Variants in PBX2 observed in about 807,000 individuals in gnomAD.
The protein encoded by PBX2 is PBX homeobox 2.
Under a neutral mutation model 46.5 loss-of-function variants are expected in PBX2, and 10 were observed. The ratio of observed to expected loss-of-function variants is 0.21; its 90% confidence interval spans 0.13 to 0.36. The LOEUF (loss-of-function observed/expected upper bound fraction) is 0.36. Ranked by LOEUF, PBX2 falls within the 10% of genes least tolerant of loss-of-function variation. PBX2 has a pLI of 1.00. For missense variants in PBX2, 392 were observed against 580.5 expected (o/e 0.68, Z 3.34); for synonymous variants, 160 against 222.5 (o/e 0.72, Z 2.50).
chr6:32,186,358 C>G lies in PBX2; in HGVS notation c.*24G>C, dbSNP rs559749593. The G allele has an allele frequency of 1.3e-6, 2 of 1,525,818 alleles. No homozygotes were observed. The highest frequency in any genetic ancestry group is 1.4e-5 in the African/African-American group (1 of 73,302). The allele number at this position is 1,525,818 out of a possible 1,614,324, so 94.5% of individuals were successfully genotyped here. A position where few individuals can be genotyped will look rare whatever the true frequency, so the allele number is the denominator to read the frequency against. On this transcript the variant is annotated 3_prime_UTR_variant, in exon 9 of 9. Coordinates refer to ENST00000375050, the MANE Select transcript of PBX2 (RefSeq NM_002586.5). The surrounding 1 kb of genome is among the most constrained non-coding windows in gnomAD (Gnocchi z 4.2). ...TCAAGTCGCCTTGTGAGAGCCCCCACCCCTGTGACCCTGAGGGGCAAGATC... is the reference window on the plus strand; with the variant it reads ...TCAAGTCGCCTTGTGAGAGCCCCCAGCCCTGTGACCCTGAGGGGCAAGATC...
Position 32,187,176 on chromosome 6 carries a change from G to C in PBX2, c.1024+66C>G. The C allele has an allele frequency of 6.3e-7, 1 of 1,594,238 alleles. No homozygotes were observed. The highest frequency in any genetic ancestry group is 8.6e-7 in the Non-Finnish European group (1 of 1,165,564). On this transcript the variant is annotated intron_variant, in intron 6 of 8. Coordinates refer to ENST00000375050, the MANE Select transcript of PBX2 (RefSeq NM_002586.5). This position sits in a 1 kb window ranked among gnomAD's most constrained non-coding sequence, Gnocchi z 7.7. The stretch of plus-strand genomic sequence containing the variant: ...CCCCTCTCTGCTATGATCCTGCCTA[G>C]ATAGGAAGTGGGAACAAAAGCAGGA...
Position 32,189,936 on chromosome 6 carries a change from G to C in PBX2, c.-21C>G. The C allele has an allele frequency of 9.2e-7, 1 of 1,090,080 alleles. No individual in the cohort carries two copies. Among genetic ancestry groups the C allele is most frequent in the Non-Finnish European group, 1.3e-6 (1 of 799,302 alleles). 67.5% of individuals were successfully genotyped at this position (1,090,080 alleles called of 1,614,324 possible). A position where few individuals can be genotyped will look rare whatever the true frequency, so the allele number is the denominator to read the frequency against. On this transcript the variant is annotated 5_prime_UTR_variant, in exon 1 of 9. Coordinates refer to ENST00000375050, the MANE Select transcript of PBX2 (RefSeq NM_002586.5). The surrounding 1 kb of genome is among the most constrained non-coding windows in gnomAD (Gnocchi z 4.7). ...TCCATAGCTGGGGGGGGGCCCTGAG[G>C]CCCCCTCCCTGCTCCGCCCCTCCCC...
Position 32,187,255 on chromosome 6 carries a change from G to C in PBX2, c.1011C>G (p.Pro337=). ...GGHSRTSSPT[P]PSSAGSGGSF... is the part of the protein sequence containing the mutation. ...AGTGGGATCCACCTGCAGAGGAAGGGGGTGTCGGGGAGCTGGTGCGGCTGT... is the reference window on the plus strand; with the variant it reads ...AGTGGGATCCACCTGCAGAGGAAGGCGGTGTCGGGGAGCTGGTGCGGCTGT... The change falls in exon 6 of 9, where the codon CCC becomes CCG. Residue 337 remains proline, a synonymous_variant. Transcript: ENST00000375050. This position sits in a 1 kb window ranked among gnomAD's most constrained non-coding sequence, Gnocchi z 7.7. 1 of 1,612,956 alleles carries C rather than the reference G, an allele frequency of 6.2e-7. No homozygotes were observed. Among genetic ancestry groups the C allele is most frequent in the Non-Finnish European group, 8.5e-7 (1 of 1,180,030 alleles).
At position 32,186,743 on chromosome 6, in the gene PBX2, G is replaced by A. The variant is rs1787160521; in HGVS notation, c.1114-53C>T. 6.3e-7 allele frequency: 1 copy of A among 1,595,098 alleles called. No homozygotes were observed. Among genetic ancestry groups the A allele is most frequent in the Non-Finnish European group, 8.6e-7 (1 of 1,162,610 alleles). On this transcript the variant is annotated intron_variant, in intron 7 of 8. Coordinates refer to ENST00000375050, the MANE Select transcript of PBX2 (RefSeq NM_002586.5). The surrounding 1 kb of genome is among the most constrained non-coding windows in gnomAD (Gnocchi z 4.2). ...GTGAAGAGAAGCCTCAGAGGAAAGA[G>A]GTCTTGTATCCTAAAGTAGAGGAAA...
At position 32,185,630 on chromosome 6, in the gene PBX2, CA is replaced by C. The variant is rs1444405663; in HGVS notation, c.*751del. The C allele has an allele frequency of 1.8e-4, 27 of 148,766 alleles. No individual in the cohort carries two copies. The highest frequency in any genetic ancestry group is 4.9e-4 in the African/African-American group (20 of 40,472). The allele number at this position is 148,766 out of a possible 1,614,324, so 9.2% of individuals were successfully genotyped here. ...TAAGAACCACCACCACCACCACCACCAACAACAACAAAAACAACAACAACAA... is the reference window on the plus strand; with the variant it reads ...TAAGAACCACCACCACCACCACCACCACAACAACAAAAACAACAACAACAA... On this transcript the variant is annotated 3_prime_UTR_variant, in exon 9 of 9. Coordinates refer to ENST00000375050, the MANE Select transcript of PBX2 (RefSeq NM_002586.5).
rs573381276 is a variant in PBX2 at position 32,188,843 on chromosome 6, G to T, written c.222-47C>A. ...GAAAGAGAAAAGTTGAGGAGCTAGA[G>T]AAACAGAGCAGGGGGCCTGAGAACA... On this transcript the variant is annotated intron_variant, in intron 1 of 8. Coordinates refer to ENST00000375050, the MANE Select transcript of PBX2 (RefSeq NM_002586.5). The surrounding 1 kb of genome is among the most constrained non-coding windows in gnomAD (Gnocchi z 6.5). The T allele has an allele frequency of 6.4e-7, 1 of 1,553,872 alleles. No individual in the cohort carries two copies. Among genetic ancestry groups the T allele is most frequent in the Admixed American group, 1.7e-5 (1 of 59,924 alleles).
In PBX2 at chr6:32,188,660, C is replaced by T; in HGVS notation, c.295+63G>A. ...CCTCAGGGCCCCAAGTTGTCACACT[C>T]TAGCCCTATAATGAACAGGGTTCTG... On this transcript the variant is annotated intron_variant, in intron 2 of 8. Coordinates refer to ENST00000375050, the MANE Select transcript of PBX2 (RefSeq NM_002586.5). This position sits in a 1 kb window ranked among gnomAD's most constrained non-coding sequence, Gnocchi z 6.5. The T allele has an allele frequency of 6.3e-7, 1 of 1,592,364 alleles. No homozygotes were observed.
Position 32,186,755 on chromosome 6 carries a change from TAA to T in PBX2, c.1113+56_1113+57del. ...CTCAGAGGAAAGAGGTCTTGTATCCTAAAGTAGAGGAAATGGAGTTGGGGAAA... is the reference window on the plus strand; with the variant it reads ...CTCAGAGGAAAGAGGTCTTGTATCCTAGTAGAGGAAATGGAGTTGGGGAAA... On this transcript the variant is annotated intron_variant, in intron 7 of 8. Coordinates refer to ENST00000375050, the MANE Select transcript of PBX2 (RefSeq NM_002586.5). This position sits in a 1 kb window ranked among gnomAD's most constrained non-coding sequence, Gnocchi z 4.2. 6.3e-7 allele frequency: 1 copy of T among 1,597,970 alleles called. No homozygotes were observed. Among genetic ancestry groups the T allele is most frequent in the South Asian group, 1.1e-5 (1 of 90,782 alleles).
rs1243661790 is a variant in PBX2, at chr6:32,186,602, A to G, written c.1200+2T>C. On this transcript the variant is annotated splice_donor_variant, in intron 8 of 8. Coordinates refer to ENST00000375050, the MANE Select transcript of PBX2 (RefSeq NM_002586.5). LOFTEE classifies it high-confidence loss of function. The surrounding 1 kb of genome is among the most constrained non-coding windows in gnomAD (Gnocchi z 4.2). ...CAGAGAGGAGCTTCAGGATCCACTC[A>G]CCCTCATTTCCCGTGGGCTGTACAT... is the stretch of plus-strand genomic sequence containing the variant. 4 of 1,606,066 alleles carry G rather than the reference A, an allele frequency of 2.5e-6. No individual in the cohort carries two copies. Among genetic ancestry groups the G allele is most frequent in the Non-Finnish European group, 3.4e-6 (4 of 1,173,024 alleles).
chr6:32,188,673 G>A lies in PBX2; in HGVS notation c.295+50C>T, dbSNP rs754646815. 3 of 1,597,730 alleles carry A rather than the reference G, an allele frequency of 1.9e-6. No homozygotes were observed. The highest frequency in any genetic ancestry group is 2.6e-6 in the Non-Finnish European group (3 of 1,166,390). On this transcript the variant is annotated intron_variant, in intron 2 of 8. Transcript: ENST00000375050. This position sits in a 1 kb window ranked among gnomAD's most constrained non-coding sequence, Gnocchi z 6.5. The stretch of plus-strand genomic sequence containing the variant: ...AGTTGTCACACTCTAGCCCTATAAT[G>A]AACAGGGTTCTGTTCCCAGAGTTGA...
chr6:32,188,036 T>A lies in PBX2; in HGVS notation c.664A>T (p.Ile222Phe). ...GTGCTCTGCTTCAGCTGCATCTGGA[T>A]GGCGCTGAACTTTCGATGGATGATG... The part of the protein sequence containing the change: ...VSIIHRKFSA[I>F]QMQLKQSTCE... The change falls in exon 4 of 9, where the codon ATC (isoleucine) becomes TTC (phenylalanine). Residue 222 changes from isoleucine to phenylalanine, a missense_variant. Transcript: ENST00000375050. The surrounding 1 kb of genome is among the most constrained non-coding windows in gnomAD (Gnocchi z 6.5). 6.3e-7 allele frequency: 1 copy of A among 1,592,062 alleles called. No individual in the cohort carries two copies. The highest frequency in any genetic ancestry group is 8.6e-7 in the Non-Finnish European group (1 of 1,167,722).
chr6:32,187,574 A>G lies in PBX2; in HGVS notation c.870+73T>C, dbSNP rs892628344. 1.8e-5 allele frequency: 27 copies of G among 1,536,332 alleles called. No homozygotes were observed. The highest frequency in any genetic ancestry group is 2.3e-5 in the Non-Finnish European group (26 of 1,137,072). On this transcript the variant is annotated intron_variant, in intron 5 of 8. Coordinates refer to ENST00000375050, the MANE Select transcript of PBX2 (RefSeq NM_002586.5). The surrounding 1 kb of genome is among the most constrained non-coding windows in gnomAD (Gnocchi z 7.7). Reference sequence around the variant, plus strand: ...CAGCCTCCCTAGTAGCTGGGATTACAGGAACACACCACTGCACCTAGCTGA... The same window carrying G: ...CAGCCTCCCTAGTAGCTGGGATTACGGGAACACACCACTGCACCTAGCTGA...
Position 32,186,786 on chromosome 6 carries a change from C to G in PBX2, c.1113+27G>C. The G allele has an allele frequency of 6.2e-7, 1 of 1,608,904 alleles. No homozygotes were observed. The stretch of plus-strand genomic sequence containing the variant: ...AGAGGAAATGGAGTTGGGGAAAGCC[C>G]TATTCGAGAGGAGATGGGCATCTGA... On this transcript the variant is annotated intron_variant, in intron 7 of 8. Coordinates refer to ENST00000375050, the MANE Select transcript of PBX2 (RefSeq NM_002586.5). The surrounding 1 kb of genome is among the most constrained non-coding windows in gnomAD (Gnocchi z 4.2).
At position 32,186,758 on chromosome 6, in the gene PBX2, A is replaced by G; in HGVS notation, c.1113+55T>C. On this transcript the variant is annotated intron_variant, in intron 7 of 8. Transcript: ENST00000375050. The surrounding 1 kb of genome is among the most constrained non-coding windows in gnomAD (Gnocchi z 4.2). ...AGAGGAAAGAGGTCTTGTATCCTAA[A>G]GTAGAGGAAATGGAGTTGGGGAAAG... 6.3e-7 allele frequency: 1 copy of G among 1,598,286 alleles called. No homozygotes were observed. Among genetic ancestry groups the G allele is most frequent in the Non-Finnish European group, 8.6e-7 (1 of 1,165,516 alleles).
chr6:32,189,799 C>G lies in PBX2; in HGVS notation c.117G>C (p.Gly39=). 6.3e-7 allele frequency: 1 copy of G among 1,599,296 alleles called. No individual in the cohort carries two copies. Among genetic ancestry groups the G allele is most frequent in the Non-Finnish European group, 8.5e-7 (1 of 1,172,998 alleles). ...GEPPGGGDPG[G]GSGGVPGGRG... is the part of the protein sequence containing the mutation. ...GGCCTCCCGGGACCCCCCCGCTACC[C>G]CCACCGGGGTCTCCGCCACCGGGAG... Residue 39 remains glycine (G), a synonymous_variant, in exon 1 of 9, where the codon GGG becomes GGC. Transcript: ENST00000375050. The surrounding 1 kb of genome is among the most constrained non-coding windows in gnomAD (Gnocchi z 4.7).
In PBX2 at chr6:32,185,865, G is replaced by A. The variant is rs895133817; in HGVS notation, c.*517C>T. ...GTAAGCCGTCCGGAGGGGCGGGGGT[G>A]GGGATGCATGGGGGCGTGGCCCATG... On this transcript the variant is annotated 3_prime_UTR_variant, in exon 9 of 9. Coordinates refer to ENST00000375050, the MANE Select transcript of PBX2 (RefSeq NM_002586.5). 6.5e-6 allele frequency: 1 copy of A among 154,852 alleles called. No homozygotes were observed. Among genetic ancestry groups the A allele is most frequent in the African/African-American group, 2.4e-5 (1 of 41,398 alleles). 9.6% of individuals were successfully genotyped at this position (154,852 alleles called of 1,614,324 possible).
Position 32,187,880 on chromosome 6 carries a change from T to A in PBX2, c.734+86A>T. Reference sequence around the variant, plus strand: ...GAGTCACCATTGTCATGGAGTACCATGTTGTGCAGCATGGCAGCTCAGGGT... The same window carrying A: ...GAGTCACCATTGTCATGGAGTACCAAGTTGTGCAGCATGGCAGCTCAGGGT... On this transcript the variant is annotated intron_variant, in intron 4 of 8. Transcript: ENST00000375050. The surrounding 1 kb of genome is among the most constrained non-coding windows in gnomAD (Gnocchi z 7.7). 1 of 1,549,492 alleles carries A rather than the reference T, an allele frequency of 6.5e-7. No homozygotes were observed. Among genetic ancestry groups the A allele is most frequent in the Non-Finnish European group, 8.7e-7 (1 of 1,143,536 alleles).
chr6:32,188,560 G>C lies in PBX2; in HGVS notation c.296-56C>G, dbSNP rs1381304354. On this transcript the variant is annotated intron_variant, in intron 2 of 8. Transcript: ENST00000375050. This position sits in a 1 kb window ranked among gnomAD's most constrained non-coding sequence, Gnocchi z 6.5. ...CAGAGACCCCAATACCCAGTGCTCA[G>C]TCCTCCTGGTGCTTCCTGGAGAGCC... 6.3e-7 allele frequency: 1 copy of C among 1,592,732 alleles called. No individual in the cohort carries two copies. Among genetic ancestry groups the C allele is most frequent in the East Asian group, 2.2e-5 (1 of 44,564 alleles).
In PBX2 at chr6:32,186,213, C is replaced by A; in HGVS notation, c.*169G>T. The A allele has an allele frequency of 3.3e-6, 2 of 607,434 alleles. No homozygotes were observed. The highest frequency in any genetic ancestry group is 6.0e-6 in the Non-Finnish European group (2 of 333,634). 37.6% of individuals were successfully genotyped at this position (607,434 alleles called of 1,614,324 possible). On this transcript the variant is annotated 3_prime_UTR_variant, in exon 9 of 9. Transcript: ENST00000375050. The surrounding 1 kb of genome is among the most constrained non-coding windows in gnomAD (Gnocchi z 4.2). Reference sequence around the variant, plus strand: ...CCCCTTAGAGGCCCCATTCTTCCTGCCATGTAATTAGCACCCCCAGCACAG... The same window carrying A: ...CCCCTTAGAGGCCCCATTCTTCCTGACATGTAATTAGCACCCCCAGCACAG...
Sources: allele counts gnomAD v4.1 joint callset, GRCh38; gene constraint gnomAD v4.1.1; non-coding constraint Gnocchi (gnomAD v3.1); transcripts MANE v1.5; gene names NCBI Gene and HGNC (gene_info 2026-07-23, HGNC 2026-07-21).